Variants in ERCC1 observed in about 807,000 individuals in gnomAD.
The protein encoded by ERCC1 is ERCC excision repair 1, endonuclease non-catalytic subunit.
ERCC1 carries 36 observed loss-of-function variants against 37.6 expected under a neutral mutation model. That is an observed-to-expected ratio of 0.96 (90% CI 0.73 to 1.26). ERCC1 has a LOEUF of 1.26. ERCC1 is among the 50% of genes most tolerant of loss of function. ERCC1 has a pLI of 0.00. For synonymous variants in ERCC1, 156 were observed against 162.1 expected (o/e 0.96, Z 0.28); for missense variants, 349 against 376.5 (o/e 0.93, Z 0.60).
chr19:45,433,679 C>G (rs563915489), intron 1 of ERCC1, among the ~76,000 whole-genome samples: 703 of 148,092 alleles, frequency 4.7e-3, no homozygotes, highest in Middle Eastern at 0.01. Context: ...CAGAGCAAGA[C>G]TCTGTCTTTA....
At chr19:45,451,426 A>G (rs73047773) in intron 1 of ERCC1, among the ~76,000 whole-genome samples, 1 of 152,050 alleles carries the variant, frequency 6.6e-6, no homozygotes, top group Non-Finnish European at 1.5e-5. Context: ...CTCAAGCCAC[A>G]GCCCCAAAGC....
Position 45,408,936 on chromosome 19 carries a change from C to A in ERCC1, c.*739G>T, listed in dbSNP as rs761952784. 56 of 1,613,952 alleles carry A rather than the reference C, an allele frequency of 3.5e-5. No individual in the cohort carries two copies. The South Asian group carries it at 5.8e-4, about 17-fold the overall frequency. ...GTGGAGCCACTGGAGGAAGCCATCC[C>A]TCTGCCCCCTACGAAGAAGAGGAAA... On this transcript the variant is annotated 3_prime_UTR_variant, in exon 10 of 10. Transcript: ENST00000300853.
intron 1 of ERCC1, among the ~76,000 whole-genome samples, chr19:45,443,994 T>A (rs1373825904): frequency 7.2e-6 from 1 of 139,266 alleles, no homozygotes; most frequent in Non-Finnish European, 1.5e-5. Flanking sequence ...GTGTCCCCGG[T>A]CCTTCCTTCA....
At chr19:45,416,030 G>C (rs2123481874) in intron 6 of ERCC1, among the ~76,000 whole-genome samples, 1 of 152,314 alleles carries the variant, frequency 6.6e-6, no homozygotes, top group Non-Finnish European at 1.5e-5. Flanking sequence ...AGCTGCTCGG[G>C]AGGCTGAGGC....
intron 1 of ERCC1, among the ~76,000 whole-genome samples, chr19:45,433,643 G>T (rs1974892706): frequency 6.7e-6 from 1 of 150,292 alleles, no homozygotes; most frequent in Non-Finnish European, 1.5e-5. Flanking sequence ...AGCCGAAATT[G>T]TACCACTGCA....
intron 1 of ERCC1, among the ~76,000 whole-genome samples, chr19:45,430,497 G>A (rs546500768): frequency 2.8e-4 from 42 of 152,218 alleles, no homozygotes; most frequent in African/African-American, 8.7e-4. Flanking sequence ...AAAGGTGTTC[G>A]GTTTCCAGCA....
At position 45,419,122 on chromosome 19, in the gene ERCC1, C is replaced by T; in HGVS notation, c.501G>A (p.Arg167=). The change falls in exon 5 of 10, where the codon CGG becomes CGA. Residue 167 remains arginine, a synonymous_variant. Coordinates refer to ENST00000300853, the MANE Select transcript of ERCC1 (RefSeq NM_001983.4). Reference sequence around the variant, plus strand: ...CCACATCCACCTGGACAAGCAGGACCCGCAAGGCGAAGTTCTTCCCCAGGC... The same window carrying T: ...CCACATCCACCTGGACAAGCAGGACTCGCAAGGCGAAGTTCTTCCCCAGGC... The part of the protein sequence containing the change: ...LQSLGKNFAL[R]VLLVQVDVKD... 6.3e-7 allele frequency: 1 copy of T among 1,588,054 alleles called. No individual in the cohort carries two copies. Among genetic ancestry groups the T allele is most frequent in the Non-Finnish European group, 8.6e-7 (1 of 1,166,150 alleles).
chr19:45,408,051 C>CA lies in ERCC1; in HGVS notation c.*1623dup, dbSNP rs35708119. 232,301 of 1,390,438 alleles carry CA rather than the reference C, an allele frequency of 0.17. 18,507 individuals are homozygous for CA. The highest frequency in any genetic ancestry group is 0.44 in the East Asian group (18,479 of 41,786). The allele number at this position is 1,390,438 out of a possible 1,614,324, so 86.1% of individuals were successfully genotyped here. A position where few individuals can be genotyped will look rare whatever the true frequency, so the allele number is the denominator to read the frequency against. The stretch of plus-strand genomic sequence containing the variant: ...CCTAGGCAACAGAGCAAGACTCTCT[C>CA]AAAAAAAAACAAAAAAAAAATCAAA... On this transcript the variant is annotated 3_prime_UTR_variant, in exon 10 of 10. Coordinates refer to ENST00000300853, the MANE Select transcript of ERCC1 (RefSeq NM_001983.4).
At chr19:45,409,889 A>ATTTTTTT (rs1184782156) in intron 9 of ERCC1, 164 bp from the exon 10 acceptor site, 81 of 237,616 alleles carry the variant, frequency 3.4e-4, no homozygotes, top group Non-Finnish European at 4.4e-4. Context: ...TATTATTATT[A>ATTTTTTT]TTATTATTTT....
upstream of ERCC1, among the ~76,000 whole-genome samples, chr19:45,426,805 C>G (rs1007815993): frequency 6.7e-6 from 1 of 150,338 alleles, no homozygotes. Context: ...CAAAAAAACA[C>G]AAAAATTGGC....
chr19:45,420,972 G>C lies in ERCC1; in HGVS notation c.321+206C>G. Reference sequence around the variant, plus strand: ...TTAACAAACCTGGGGTGAGGAAACAGAGCTACACCAATACAGCCACAGCCC... The same window carrying C: ...TTAACAAACCTGGGGTGAGGAAACACAGCTACACCAATACAGCCACAGCCC... On this transcript the variant is annotated intron_variant, in intron 3 of 9. Transcript: ENST00000300853. This position sits in a 1 kb window ranked among gnomAD's most constrained non-coding sequence, Gnocchi z 4.8. 6.6e-6 allele frequency among the ~76,000 whole-genome samples: 1 copy of C among 152,136 alleles called. No individual in the cohort carries two copies. Among genetic ancestry groups the C allele is most frequent in the East Asian group, 1.9e-4 (1 of 5,184 alleles).
chr19:45,419,457 T>C (rs1450080342), intron 4 of ERCC1: 6 of 471,398 alleles, frequency 1.3e-5, no homozygotes, highest in African/African-American at 1.2e-4. Flanking sequence ...GGAAGAGACT[T>C]GGGCTTCAAG....
rs113025996 is a variant in ERCC1, at chr19:45,408,172, C to T, written c.*1503G>A. The T allele has an allele frequency of 3.1e-6, 5 of 1,609,506 alleles. No homozygotes were observed. Among genetic ancestry groups the T allele is most frequent in the South Asian group, 1.1e-5 (1 of 90,756 alleles). ...ATGTGCCTCTCTCTGGCTCCCAGAT[C>T]GTCAAGGGCAAATTGGCAGGCAAGC... On this transcript the variant is annotated 3_prime_UTR_variant, in exon 10 of 10. Coordinates refer to ENST00000300853, the MANE Select transcript of ERCC1 (RefSeq NM_001983.4).
At chr19:45,423,468 C>G (rs920044808) in intron 1 of ERCC1, 87 bp from the exon 2 acceptor site, 1 of 1,525,548 alleles carries the variant, frequency 6.6e-7, no homozygotes, top group Admixed American at 2.0e-5. Flanking sequence ...CAGCCGTCCC[C>G]CACAAAACTC....
chr19:45,426,853 G>T (rs1356782543), upstream of ERCC1, among the ~76,000 whole-genome samples: 1 of 150,308 alleles, frequency 6.7e-6, no homozygotes, highest in African/African-American at 2.5e-5. Flanking sequence ...CCAGCACTTT[G>T]GAAAGCTGAG....
chr19:45,419,279 T>A, intron 4 of ERCC1, 82 bp from the exon 5 acceptor site: 1 of 989,434 alleles, frequency 1.0e-6, no homozygotes, highest in Non-Finnish European at 1.6e-6. Flanking sequence ...ACTGGAATAC[T>A]AAGGGCTCAG....
intron 1 of ERCC1, among the ~76,000 whole-genome samples, chr19:45,443,637 G>C (rs1481668239): frequency 6.6e-6 from 1 of 152,150 alleles, no homozygotes; most frequent in Non-Finnish European, 1.5e-5. Context: ...GGGCCGGGCA[G>C]GGTTACACAA....
Position 45,414,958 on chromosome 19 carries a change from G to A in ERCC1, c.605C>T (p.Pro202Leu), listed in dbSNP as rs778833181. ...ADCTLILAWS[P>L]EEAGRYLETY... is the part of the protein sequence containing the mutation. ...CTCCAGGTACCGCCCAGCTTCCTCG[G>A]GGCTGGGATAACAGGATACAGGGCA... Residue 202 changes from proline to leucine, a missense_variant and splice_region_variant, in exon 7 of 10, where the codon CCC becomes CTC. By Grantham distance (98) the Pro-to-Leu change is moderately conservative. Transcript: ENST00000300853. The A allele has an allele frequency of 2.5e-6, 4 of 1,611,590 alleles. No homozygotes were observed. The South Asian group carries it at 4.4e-5, about 18-fold the overall frequency.
At chr19:45,427,131 C>T (rs1599849240), upstream of ERCC1, among the ~76,000 whole-genome samples, 1 of 150,148 alleles carries the variant, frequency 6.7e-6, no homozygotes, top group Non-Finnish European at 1.5e-5. Context: ...CAAAAACAAA[C>T]AAAACAAAAC....
Sources: gnomAD v4.1 joint callset for allele counts (sites outside exome capture counted in the v4.1 genomes callset) on GRCh38, gnomAD v4.1.1 for gene constraint, Gnocchi (gnomAD v3.1) non-coding constraint, MANE v1.5 for transcripts, NCBI Gene and HGNC (gene_info 2026-07-23, HGNC 2026-07-21) for gene names.